Variants in GCKR observed in about 807,000 individuals in gnomAD.
The protein encoded by GCKR is glucokinase regulator.
A neutral mutation model predicts 82.9 loss-of-function variants in GCKR; 73 were observed. That is an observed-to-expected ratio of 0.88 (90% CI 0.73 to 1.07). The LOEUF is 1.07. Ranked by LOEUF, GCKR falls within the 50% of genes least tolerant of loss-of-function variation. GCKR has a pLI of 0.00. For synonymous variants in GCKR, 294 were observed against 291.8 expected (o/e 1.01, Z -0.08); for missense variants, 784 against 782.1 (o/e 1.00, Z -0.03).
chr2:27,514,247 GTC>G, intron 16 of GCKR, among the ~76,000 whole-genome samples: 2 of 151,720 alleles, frequency 1.3e-5, no homozygotes, highest in South Asian at 4.2e-4. Flanking sequence ...AGATGAATGT[GTC>G]TGCGTATATA....
Position 27,523,249 on chromosome 2 carries a change from C to T in GCKR, c.1708-20C>T, listed in dbSNP as rs1670194244. The T allele has an allele frequency of 1.2e-6, 2 of 1,608,478 alleles. No homozygotes were observed. The highest frequency in any genetic ancestry group is 2.7e-5 in the African/African-American group (2 of 74,966). ...ACCTCATTCCCTCAGGCTTCAGTGC[C>T]CACTGCCTCTTCCCCACAGGTGATA... On this transcript the variant is annotated intron_variant, in intron 18 of 18. Coordinates refer to ENST00000264717, the MANE Select transcript of GCKR (RefSeq NM_001486.4).
At chr2:27,506,446 G>A (rs1669746886) in intron 10 of GCKR, 35 bp from the exon 11 acceptor site, 2 of 1,376,834 alleles carry the variant, frequency 1.5e-6, no homozygotes, top group Non-Finnish European at 1.0e-6. Context: ...AGGGGGAATT[G>A]GGCCCTTCTT....
chr2:27,498,884 T>C lies in GCKR; in HGVS notation c.428+87T>C, dbSNP rs1669494272. On this transcript the variant is annotated intron_variant, in intron 5 of 18. Transcript: ENST00000264717. Reference sequence around the variant, plus strand: ...TTGGAATACCTTTAGACAGAGATTGTGTCTGGCTTGTCTTAGTCCTCACCA... The same window carrying C: ...TTGGAATACCTTTAGACAGAGATTGCGTCTGGCTTGTCTTAGTCCTCACCA... 5.9e-6 allele frequency: 5 copies of C among 841,556 alleles called. No homozygotes were observed. The East Asian group carries it at 9.9e-5, about 17-fold the overall frequency. 52.1% of individuals were successfully genotyped at this position (841,556 alleles called of 1,614,324 possible). A position where few individuals can be genotyped will look rare whatever the true frequency, so the allele number is the denominator to read the frequency against.
Position 27,506,792 on chromosome 2 carries a change from G to C in GCKR, c.973G>C (p.Glu325Gln), listed in dbSNP as rs1383137208. ...TGACCTCTGACCCATTCTCAGTCTG[G>C]AGAAGAAAGGCCACGTGTACCTGGT... ...TLMKSVSTSLEKKGHVYLVGW... is the reference protein window; with the variant it reads ...TLMKSVSTSLQKKGHVYLVGW... The change falls in exon 12 of 19, where the codon GAG (glutamate) becomes CAG (glutamine). Residue 325 changes from glutamate (E) to glutamine (Q), a missense_variant. Glu to Gln is a conservative substitution (Grantham distance 29). Transcript: ENST00000264717. 1.2e-6 allele frequency: 2 copies of C among 1,607,394 alleles called. No homozygotes were observed. Among genetic ancestry groups the C allele is most frequent in the Non-Finnish European group, 1.7e-6 (2 of 1,173,862 alleles).
At chr2:27,522,250 C>G (rs1031870397) in intron 17 of GCKR, among the ~76,000 whole-genome samples, 1 of 152,164 alleles carries the variant, frequency 6.6e-6, no homozygotes, top group African/African-American at 2.4e-5. Flanking sequence ...CCCAGCCAGT[C>G]AAGCCCACCA....
intron 17 of GCKR, among the ~76,000 whole-genome samples, chr2:27,520,829 A>T (rs964574458): frequency 6.6e-6 from 1 of 152,104 alleles, no homozygotes; most frequent in Non-Finnish European, 1.5e-5. Context: ...TGAGGTCAGG[A>T]GTTCGAGACC....
chr2:27,501,015 A>T (rs1669559656), intron 7 of GCKR, 120 bp from the exon 8 acceptor site: 2 of 818,762 alleles, frequency 2.4e-6, no homozygotes, highest in East Asian at 4.8e-5. Flanking sequence ...GTAGATTGTA[A>T]CTGTACCTGG....
At position 27,508,338 on chromosome 2, in the gene GCKR, A is replaced by G. The variant is rs1669802116; in HGVS notation, c.1422+87A>G. 12 of 941,302 alleles carry G rather than the reference A, an allele frequency of 1.3e-5. No individual in the cohort carries two copies. In the East Asian group the frequency reaches 2.6e-4, roughly 21 times the overall value. 58.3% of individuals were successfully genotyped at this position (941,302 alleles called of 1,614,324 possible). On this transcript the variant is annotated intron_variant, in intron 16 of 18. Coordinates refer to ENST00000264717, the MANE Select transcript of GCKR (RefSeq NM_001486.4). ...ATCAAAAAACCCAAGGCTGTAGGGC[A>G]GAAAGTTTGGAGACCTCTCTGACCC... is the stretch of plus-strand genomic sequence containing the variant.
At chr2:27,520,488 G>A (rs750400692) in intron 17 of GCKR, among the ~76,000 whole-genome samples, 4 of 152,168 alleles carry the variant, frequency 2.6e-5, no homozygotes, top group Non-Finnish European at 4.4e-5. Flanking sequence ...AAGTAGGAAG[G>A]GGAGGGATGT....
At chr2:27,518,734 T>G (rs1670072012) in intron 16 of GCKR, 54 bp from the exon 17 acceptor site, 3 of 1,472,190 alleles carry the variant, frequency 2.0e-6, no homozygotes, top group Non-Finnish European at 2.9e-6. Context: ...CTGTTCACTC[T>G]GCTGCTTTTC....
At position 27,518,688 on chromosome 2, in the gene GCKR, T is replaced by C. The variant is rs8179235; in HGVS notation, c.1423-100T>C. The stretch of plus-strand genomic sequence containing the variant: ...ATCATGTTTGCATTTTGGTCCCTGG[T>C]TCTTGACAGTTGGTTTCCTGTCTGA... On this transcript the variant is annotated intron_variant, in intron 16 of 18. Coordinates refer to ENST00000264717, the MANE Select transcript of GCKR (RefSeq NM_001486.4). 5,709 of 975,468 alleles carry C rather than the reference T, an allele frequency of 5.9e-3. 249 individuals are homozygous for C. In the East Asian group the frequency reaches 0.1, roughly 17 times the overall value. 60.4% of individuals were successfully genotyped at this position (975,468 alleles called of 1,614,324 possible).
At chr2:27,505,588 C>G (rs1669706304) in intron 9 of GCKR, 130 bp from the exon 10 acceptor site, 1 of 720,240 alleles carries the variant, frequency 1.4e-6, no homozygotes, top group Non-Finnish European at 2.6e-6. Context: ...CAAGCCCACC[C>G]CAGCACCCTT....
At position 27,506,780 on chromosome 2, in the gene GCKR, A is replaced by G. The variant is rs1669757963; in HGVS notation, c.969-8A>G. Reference sequence around the variant, plus strand: ...TCTCTCATGTCCTGACCTCTGACCCATTCTCAGTCTGGAGAAGAAAGGCCA... The same window carrying G: ...TCTCTCATGTCCTGACCTCTGACCCGTTCTCAGTCTGGAGAAGAAAGGCCA... On this transcript the variant is annotated splice_region_variant and splice_polypyrimidine_tract_variant and intron_variant, in intron 11 of 18. Transcript: ENST00000264717. 68 of 1,584,382 alleles carry G rather than the reference A, an allele frequency of 4.3e-5. No homozygotes were observed. Among genetic ancestry groups the G allele is most frequent in the Non-Finnish European group, 5.9e-5 (68 of 1,153,052 alleles).
In GCKR at chr2:27,522,412, G is replaced by A. The variant is rs199808586; in HGVS notation, c.1573-48G>A. On this transcript the variant is annotated intron_variant, in intron 17 of 18. Transcript: ENST00000264717. ...TTCTTCTCCCTTGACTCCATTCTTA[G>A]TTCCTCTGGCCTTTAGCCTGACACT... 922 of 1,607,798 alleles carry A rather than the reference G, an allele frequency of 5.7e-4. 11 individuals are homozygous for A. The South Asian group carries it at 9.8e-3, about 17-fold the overall frequency.
chr2:27,505,685 C>T (rs1352575392), intron 9 of GCKR, 33 bp from the exon 10 acceptor site: 2 of 1,202,488 alleles, frequency 1.7e-6, no homozygotes, highest in East Asian at 2.3e-5. Context: ...TTCATCCTCT[C>T]CCAATTCCTC....
At chr2:27,510,959 G>A (rs143774835) in intron 16 of GCKR, among the ~76,000 whole-genome samples, 42 of 151,812 alleles carry the variant, frequency 2.8e-4, no homozygotes, top group Admixed American at 5.3e-4. Context: ...TATTTAAAAT[G>A]TTACATAGTC....
At chr2:27,507,580 G>C in intron 13 of GCKR, 101 bp from the exon 14 acceptor site, 1 of 774,734 alleles carries the variant, frequency 1.3e-6, no homozygotes, top group Non-Finnish European at 2.4e-6. Flanking sequence ...TTTCACCTGT[G>C]CACAAAAGTG....
chr2:27,523,468 C>A lies in GCKR; in HGVS notation c.*29C>A. On this transcript the variant is annotated 3_prime_UTR_variant, in exon 19 of 19. Transcript: ENST00000264717. ...CATGTTTCTGGGTGGGTGAAAGGGG[C>A]CCAACCCTGCCCACTTCAGCCCAGC... 1 of 1,596,062 alleles carries A rather than the reference C, an allele frequency of 6.3e-7. No homozygotes were observed. Among genetic ancestry groups the A allele is most frequent in the Non-Finnish European group, 8.5e-7 (1 of 1,175,854 alleles).
chr2:27,505,403 C>CAAAAAAAAAAAAAAAAGAA (rs1669699078), intron 9 of GCKR, among the ~76,000 whole-genome samples: 2 of 54,498 alleles, frequency 3.7e-5, no homozygotes, highest in Admixed American at 4.3e-4. Context: ...GACTCCATCT[C>CAAAAAAAAAAAAAAAAGAA]AAAAAAAAAA....
Sources: gnomAD v4.1 joint callset for allele counts (sites outside exome capture counted in the v4.1 genomes callset) on GRCh38, gnomAD v4.1.1 for gene constraint, MANE v1.5 for transcripts, NCBI Gene and HGNC (gene_info 2026-07-23, HGNC 2026-07-21) for gene names.